PDE1A: variants seen among roughly 807,000 people sequenced by gnomAD.
PDE1A encodes the protein phosphodiesterase 1A.
Under a neutral mutation model 61.7 loss-of-function variants are expected in PDE1A, and 35 were observed. That is an observed-to-expected ratio of 0.57 (90% CI 0.43 to 0.75). The LOEUF is 0.75. PDE1A is among the 30% of genes least tolerant of loss of function. PDE1A has a pLI of 0.00. For synonymous variants in PDE1A, 232 were observed against 213.2 expected, an observed-to-expected ratio of 1.09 and a Z score of -0.77; for missense variants, 597 against 630.6, an observed-to-expected ratio of 0.95 and a Z score of 0.57.
At chr2:182,366,199 C>G (rs1699830619) in intron 1 of PDE1A, among the ~76,000 whole-genome samples, 1 of 151,906 alleles carries the variant, frequency 6.6e-6, no homozygotes, top group African/African-American at 2.4e-5. Context: ...TTTTTTAGTC[C>G]TCTCAAGGGT....
intron 2 of PDE1A, among the ~76,000 whole-genome samples, chr2:182,246,426 CAG>C (rs1341657601): frequency 1.4e-5 from 1 of 71,020 alleles, no homozygotes; most frequent in African/African-American, 5.6e-5. Flanking sequence ...TTTTTTTTGA[CAG>C]AGTCTTGCTC....
intron 10 of PDE1A, among the ~76,000 whole-genome samples, chr2:182,197,314 C>T (rs1686213678): frequency 6.6e-6 from 1 of 151,704 alleles, no homozygotes; most frequent in Admixed American, 6.6e-5. Context: ...AGTCCTTGGA[C>T]AGATATTTGT....
the PDE1A span, among the ~76,000 whole-genome samples, chr2:182,556,160 G>C: frequency 6.6e-6 from 1 of 151,992 alleles, no homozygotes; most frequent in African/African-American, 2.4e-5. Flanking sequence ...AAGAAAATCA[G>C]AACTGACCAT....
At chr2:182,589,813 C>G in the PDE1A span, among the ~76,000 whole-genome samples, 3 of 152,190 alleles carry the variant, frequency 2.0e-5, no homozygotes, top group African/African-American at 7.2e-5. Context: ...GTCCCACAAG[C>G]CTGGTCAATG....
chr2:182,709,584 C>G, the PDE1A span, among the ~76,000 whole-genome samples: 1 of 152,120 alleles, frequency 6.6e-6, no homozygotes, highest in Non-Finnish European at 1.5e-5. Flanking sequence ...ATATGCTTAG[C>G]TGGAGCTTAC....
At chr2:182,149,832 G>C (rs1032196082) in intron 13 of PDE1A, among the ~76,000 whole-genome samples, 1 of 152,110 alleles carries the variant, frequency 6.6e-6, no homozygotes, top group African/African-American at 2.4e-5. Flanking sequence ...GTTCCAAATG[G>C]TTTTGAATCA....
At chr2:182,637,246 T>C in the PDE1A span, among the ~76,000 whole-genome samples, 5 of 152,170 alleles carry the variant, frequency 3.3e-5, no homozygotes, top group African/African-American at 4.8e-5. Context: ...ATTTGAGACA[T>C]AGCAAAATAA....
At chr2:182,307,860 A>G (rs1208092319) in intron 1 of PDE1A, among the ~76,000 whole-genome samples, 1 of 152,174 alleles carries the variant, frequency 6.6e-6, no homozygotes, top group Admixed American at 6.5e-5. Context: ...TCTAAAGACA[A>G]AAACAAAAAC....
chr2:182,575,091 T>G, the PDE1A span, among the ~76,000 whole-genome samples: 1 of 152,180 alleles, frequency 6.6e-6, no homozygotes, highest in Non-Finnish European at 1.5e-5. Context: ...CATTCTGTAT[T>G]CCCTTTGCTT....
intron 1 of PDE1A, among the ~76,000 whole-genome samples, chr2:182,302,707 A>G (rs1695324669): frequency 6.6e-6 from 1 of 152,220 alleles, no homozygotes; most frequent in Admixed American, 6.5e-5. Context: ...TGTAGCATGC[A>G]ACCTTGTTTG....
chr2:182,245,264 C>A (rs1690862009), intron 2 of PDE1A, among the ~76,000 whole-genome samples: 2 of 152,136 alleles, frequency 1.3e-5, no homozygotes, highest in South Asian at 4.2e-4. Context: ...ATCTCCACCC[C>A]CACCTTCACA....
intron 2 of PDE1A, among the ~76,000 whole-genome samples, chr2:182,433,963 C>T (rs1260186900): frequency 6.6e-6 from 1 of 152,054 alleles, no homozygotes; most frequent in Non-Finnish European, 1.5e-5. Flanking sequence ...CTCCTGACAA[C>T]TCTATTTGAA....
chr2:182,225,843 C>T lies in PDE1A; in HGVS notation c.676-1879G>A, dbSNP rs116469859. Among the ~76,000 whole-genome samples the T allele has an allele frequency of 1.6e-3, 233 of 150,074 alleles. 26 individuals are homozygous for T. Among genetic ancestry groups the T allele is most frequent in the African/African-American group, 5.7e-3 (225 of 39,670 alleles). On this transcript the variant is annotated intron_variant, in intron 6 of 13. Transcript: ENST00000351439. ...GATTGTAATTCATGTACAAATGCCT[C>T]ACAACTGGATGAGTGAAGCAGAAAT...
chr2:182,516,787 G>A lies in PDE1A; in HGVS notation c.101+5489C>T, dbSNP rs59389356. Among the ~76,000 whole-genome samples the A allele has an allele frequency of 4.1e-3, 435 of 106,300 alleles. 1 individual carries two copies. The highest frequency in any genetic ancestry group is 0.014 in the African/African-American group (405 of 28,940). The allele number at this position is 106,300 out of a possible 152,430, so 69.7% of individuals were successfully genotyped here. ...AAAGAAAGAAAGAAAGAAAGAAAAA[G>A]AAAGAAAGAGAGAAAGGAAGGAAGG... On this transcript the variant is annotated intron_variant, in intron 2 of 14. Coordinates refer to the PDE1A transcript ENST00000410103.
chr2:182,558,910 C>T, the PDE1A span, among the ~76,000 whole-genome samples: 111,756 of 152,080 alleles, frequency 0.73, 43,717 homozygotes, highest in East Asian at 0.99. Context: ...ATCTCAGTGA[C>T]TCCAAAAGGC....
chr2:182,360,693 A>C (rs1167379110), intron 1 of PDE1A, among the ~76,000 whole-genome samples: 2 of 152,058 alleles, frequency 1.3e-5, no homozygotes, highest in Non-Finnish European at 2.9e-5. Flanking sequence ...GTATATATTC[A>C]AATCAATCCC....
chr2:182,217,838 A>T (rs1688338671), intron 7 of PDE1A, among the ~76,000 whole-genome samples: 2 of 151,834 alleles, frequency 1.3e-5, no homozygotes, highest in African/African-American at 4.9e-5. Context: ...AAACTAGTTC[A>T]ACCATTGTGG....
At chr2:182,435,106 T>G (rs887924508) in intron 2 of PDE1A, among the ~76,000 whole-genome samples, 2 of 151,920 alleles carry the variant, frequency 1.3e-5, no homozygotes, top group Non-Finnish European at 2.9e-5. Context: ...GTGCTGCCCA[T>G]CAAAAAACTT....
intron 1 of PDE1A, among the ~76,000 whole-genome samples, chr2:182,387,264 A>G (rs2125361630): frequency 6.6e-6 from 1 of 152,276 alleles, no homozygotes; most frequent in East Asian, 1.9e-4. Context: ...TCAAGTACGC[A>G]GGGACACAAA....
Sources: gnomAD v4.1 joint callset for allele counts (sites outside exome capture counted in the v4.1 genomes callset) on GRCh38, gnomAD v4.1.1 for gene constraint, MANE v1.5 for transcripts, NCBI Gene and HGNC (gene_info 2026-07-23, HGNC 2026-07-21) for gene names.